The following LRRC40 variants were observed in gnomAD, a reference collection of about 807,000 sequenced individuals.
LRRC40 encodes the protein leucine rich repeat containing 40.
Under a neutral mutation model 72.8 loss-of-function variants are expected in LRRC40, and 76 were observed. That is an observed-to-expected ratio of 1.04 (90% CI 0.87 to 1.26). The LOEUF (loss-of-function observed/expected upper bound fraction) is 1.26. Ranked by LOEUF, LRRC40 falls within the 50% of genes most tolerant of loss-of-function variation. The pLI, the probability that LRRC40 is intolerant of heterozygous loss-of-function variation, is 0.00. For missense variants in LRRC40, 684 were observed against 698.9 expected (o/e 0.98, Z 0.24); for synonymous variants, 243 against 254.2 (o/e 0.96, Z 0.42).
chr1:70,160,580 CAG>C (rs1248188876), intron 9 of LRRC40, among the ~76,000 whole-genome samples: 3 of 152,010 alleles, frequency 2.0e-5, no homozygotes, highest in South Asian at 2.1e-4. Flanking sequence ...ATTAAATAAG[CAG>C]AGAGACACTA....
At chr1:70,176,107 T>C (rs1387702062) in intron 6 of LRRC40, 125 bp from the exon 7 acceptor site, 1 of 484,688 alleles carries the variant, frequency 2.1e-6, no homozygotes, top group Non-Finnish European at 3.5e-6. Flanking sequence ...TGCAACTTTA[T>C]AAATATCAAG....
chr1:70,158,028 A>C (rs1401781191), intron 10 of LRRC40, among the ~76,000 whole-genome samples: 4 of 134,076 alleles, frequency 3.0e-5, no homozygotes, highest in Non-Finnish European at 6.2e-5. Flanking sequence ...TTGAGCCAGG[A>C]GGTTGAGGTT....
intron 11 of LRRC40, among the ~76,000 whole-genome samples, chr1:70,154,738 T>A (rs904830128): frequency 6.6e-6 from 1 of 152,108 alleles, no homozygotes; most frequent in African/African-American, 2.4e-5. Flanking sequence ...CACATCACTC[T>A]CCTCCACGAC....
At position 70,189,210 on chromosome 1, in the gene LRRC40, A is replaced by G. The variant is rs749459371; in HGVS notation, c.215T>C (p.Phe72Ser). Residue 72 changes from phenylalanine to serine, a missense_variant, in exon 2 of 15, where the codon TTT becomes TCT. Phe to Ser is a radical substitution (Grantham distance 155). Transcript: ENST00000370952. ...CTCCCACCATCTTTCAGTAGCACCA[A>G]ACGAAAGATTCTGATTAGCTTCCTC... ...IPEEANQNLS[F>S]GATERWWEQT... 6 of 1,613,708 alleles carry G rather than the reference A, an allele frequency of 3.7e-6. No homozygotes were observed. The Admixed American group carries it at 1.0e-4, about 27-fold the overall frequency.
At chr1:70,156,775 C>T (rs1667647211) in intron 10 of LRRC40, among the ~76,000 whole-genome samples, 1 of 152,138 alleles carries the variant, frequency 6.6e-6, no homozygotes, top group African/African-American at 2.4e-5. Context: ...TGACAGGTCA[C>T]AGAGGGCAGG....
intron 3 of LRRC40, among the ~76,000 whole-genome samples, chr1:70,186,352 G>A (rs1381134101): frequency 1.3e-5 from 2 of 152,178 alleles, no homozygotes; most frequent in Middle Eastern, 3.4e-3. Flanking sequence ...TACAGGCCAC[G>A]TCTATGCCTT....
intron 11 of LRRC40, among the ~76,000 whole-genome samples, chr1:70,154,616 T>C (rs768898242): frequency 9.9e-5 from 15 of 152,176 alleles, no homozygotes; most frequent in Non-Finnish European, 2.1e-4. Flanking sequence ...TTCCCTAAAC[T>C]ATGCTCTGAG....
At chr1:70,159,509 A>G (rs1667711659) in intron 9 of LRRC40, 71 bp from the exon 10 acceptor site, 3 of 656,862 alleles carry the variant, frequency 4.6e-6, no homozygotes, top group African/African-American at 1.8e-5. Context: ...TTGATAATAT[A>G]TTAAAACAGT....
chr1:70,172,153 G>T (rs1668012667), intron 9 of LRRC40, among the ~76,000 whole-genome samples: 2 of 152,108 alleles, frequency 1.3e-5, no homozygotes. Flanking sequence ...ACCTCCTCTT[G>T]CCATCTGAAA....
In LRRC40 at chr1:70,173,421, C is replaced by G. The variant is rs1024864822; in HGVS notation, c.1111+44G>C. ...TTTATGTACTATTAATTCTTCACCA[C>G]TTTTTATGAATCCTTCAAAATATAA... On this transcript the variant is annotated intron_variant, in intron 9 of 14. Coordinates refer to ENST00000370952, the MANE Select transcript of LRRC40 (RefSeq NM_017768.5). The G allele has an allele frequency of 2.8e-6, 4 of 1,412,306 alleles. No homozygotes were observed. The African/African-American group carries it at 4.3e-5, about 15-fold the overall frequency. The allele number at this position is 1,412,306 out of a possible 1,614,324, so 87.5% of individuals were successfully genotyped here.
At chr1:70,191,118 A>G (rs1214812657) in intron 1 of LRRC40, among the ~76,000 whole-genome samples, 2 of 151,438 alleles carry the variant, frequency 1.3e-5, no homozygotes, top group Non-Finnish European at 2.9e-5. Context: ...AATAAATGTG[A>G]CTCTTGAAAA....
At chr1:70,204,214 T>C (rs1668833478) in intron 1 of LRRC40, among the ~76,000 whole-genome samples, 1 of 152,232 alleles carries the variant, frequency 6.6e-6, no homozygotes, top group Admixed American at 6.5e-5. Flanking sequence ...CAAAATTTAA[T>C]AAGACTCTAC....
chr1:70,155,671 T>A lies in LRRC40; in HGVS notation c.1328+18A>T. 4 of 1,182,596 alleles carry A rather than the reference T, an allele frequency of 3.4e-6. No homozygotes were observed. The highest frequency in any genetic ancestry group is 3.4e-5 in the South Asian group (2 of 59,228). The allele number at this position is 1,182,596 out of a possible 1,614,324, so 73.3% of individuals were successfully genotyped here. On this transcript the variant is annotated intron_variant, in intron 11 of 14. Coordinates refer to ENST00000370952, the MANE Select transcript of LRRC40 (RefSeq NM_017768.5). The stretch of plus-strand genomic sequence containing the variant: ...CAGAATGAGTCACAACCTATAGACA[T>A]GGCATCATAGTTCTTACCTTTTTGG...
At chr1:70,196,954 A>G (rs1426966117) in intron 1 of LRRC40, among the ~76,000 whole-genome samples, 2 of 152,234 alleles carry the variant, frequency 1.3e-5, no homozygotes, top group African/African-American at 4.8e-5. Context: ...GTAACACATC[A>G]AGGCAATTCT....
At chr1:70,157,988 C>A (rs895246821) in intron 10 of LRRC40, among the ~76,000 whole-genome samples, 1 of 149,288 alleles carries the variant, frequency 6.7e-6, no homozygotes, top group African/African-American at 2.5e-5. Context: ...GCAGTTCCAG[C>A]TACTTGGGAG....
chr1:70,175,930 T>C lies in LRRC40; in HGVS notation c.857A>G (p.Lys286Arg). 1.3e-6 allele frequency: 2 copies of C among 1,596,070 alleles called. No homozygotes were observed. The highest frequency in any genetic ancestry group is 1.7e-6 in the Non-Finnish European group (2 of 1,174,692). ...QIEMLEAEHL[K>R]HLNSILVLDL... ...TAGCACAAGAATTGAATTCAGATGT[T>C]TAAGATGTTCTGCCTCTAACATTTC... The change falls in exon 7 of 15, where the codon AAA (lysine) becomes AGA (arginine). Residue 286 changes from lysine to arginine, a missense_variant. Transcript: ENST00000370952.
chr1:70,151,210 A>C lies in LRRC40; in HGVS notation c.1440-5T>G, dbSNP rs1667478513. The C allele has an allele frequency of 1.4e-6, 2 of 1,463,912 alleles. No individual in the cohort carries two copies. Among genetic ancestry groups the C allele is most frequent in the Non-Finnish European group, 1.9e-6 (2 of 1,047,516 alleles). 90.7% of individuals were successfully genotyped at this position (1,463,912 alleles called of 1,614,324 possible). On this transcript the variant is annotated splice_region_variant and splice_polypyrimidine_tract_variant and intron_variant, in intron 12 of 14. Transcript: ENST00000370952. The stretch of plus-strand genomic sequence containing the variant: ...AAAGAATTTAAAAAATTGTTCCTAA[A>C]TTGGAAATCAAAACAGAAGATTTAC...
intron 1 of LRRC40, 62 bp downstream of exon 1, chr1:70,205,327 AG>A: frequency 7.0e-7 from 1 of 1,437,300 alleles, no homozygotes; most frequent in East Asian, 2.3e-5. Context: ...GAGAAAAGGG[AG>A]GTTGCCTGGG....
rs528169428 is a variant in LRRC40, at chr1:70,196,405, C to A, written c.152-7132G>T. Among the ~76,000 whole-genome samples, 4 of 152,112 alleles carry A rather than the reference C, an allele frequency of 2.6e-5. No individual in the cohort carries two copies. In the South Asian group the frequency reaches 8.3e-4, roughly 32 times the overall value. On this transcript the variant is annotated intron_variant, in intron 1 of 14. Transcript: ENST00000370952. ...TCTCTATTAAAAACAAAAAAATTAG[C>A]CAGGCATGGTGGCATACACCATGAG...
Sources: allele counts gnomAD v4.1 joint callset (sites outside exome capture counted in the v4.1 genomes callset), GRCh38; gene constraint gnomAD v4.1.1; transcripts MANE v1.5; gene names NCBI Gene and HGNC (gene_info 2026-07-23, HGNC 2026-07-21).